Variants in AHI1 observed in about 807,000 individuals in gnomAD.
AHI1 encodes Abelson helper integration site 1.
Under a neutral mutation model 149.3 loss-of-function variants are expected in AHI1, and 123 were observed. The ratio of observed to expected loss-of-function variants is 0.82; its 90% CI spans 0.71 to 0.96. AHI1 has a LOEUF of 0.96. Ranked by LOEUF, AHI1 falls within the 40% of genes least tolerant of loss-of-function variation. AHI1 has a pLI of 0.00. For synonymous variants in AHI1, 475 were observed against 459.8 expected (o/e 1.03, Z -0.42); for missense variants, 1,439 against 1,422.7 (o/e 1.01, Z -0.18).
intron 26 of AHI1, among the ~76,000 whole-genome samples, chr6:135,312,329 C>T (rs1040585224): frequency 6.6e-6 from 1 of 151,946 alleles, no homozygotes; most frequent in Admixed American, 6.6e-5. Context: ...CCTGGCCAAA[C>T]TAGTGAAACC....
At chr6:135,390,461 G>C (rs1438266112) in intron 23 of AHI1, among the ~76,000 whole-genome samples, 1 of 151,704 alleles carries the variant, frequency 6.6e-6, no homozygotes, top group East Asian at 1.9e-4. Flanking sequence ...GTAAAAAAAA[G>C]AAGGTAATAC....
intron 22 of AHI1, 140 bp from the exon 23 acceptor site, chr6:135,395,036 GT>G (rs1779031314): frequency 1.3e-6 from 1 of 783,962 alleles, no homozygotes. Flanking sequence ...TACATGGTTA[GT>G]TTGTAAACTT....
At chr6:135,485,597 T>C (rs73777556) in intron 5 of AHI1, among the ~76,000 whole-genome samples, 4 of 152,328 alleles carry the variant, frequency 2.6e-5, no homozygotes, top group African/African-American at 9.6e-5. Context: ...TTGGAAAATT[T>C]ACTTTTAAGA....
At chr6:135,482,851 G>A (rs1793888181) in intron 5 of AHI1, among the ~76,000 whole-genome samples, 1 of 140,114 alleles carries the variant, frequency 7.1e-6, no homozygotes, top group African/African-American at 2.7e-5. Flanking sequence ...GCTTTGCTCT[G>A]GGATACAGTT....
At chr6:135,363,161 AG>A (rs1168822442) in intron 23 of AHI1, among the ~76,000 whole-genome samples, 4 of 151,564 alleles carry the variant, frequency 2.6e-5, no homozygotes, top group Admixed American at 6.6e-5. Flanking sequence ...AAGTGAACAA[AG>A]GTCTCTGGTT....
At chr6:135,328,140 C>T (rs1787987133) in intron 24 of AHI1, among the ~76,000 whole-genome samples, 1 of 152,164 alleles carries the variant, frequency 6.6e-6, no homozygotes, top group South Asian at 2.1e-4. Flanking sequence ...TGGGATCCGA[C>T]ACTGTCTTCA....
At chr6:135,385,715 C>T (rs1486923241) in intron 23 of AHI1, among the ~76,000 whole-genome samples, 1 of 152,118 alleles carries the variant, frequency 6.6e-6, no homozygotes, top group African/African-American at 2.4e-5. Flanking sequence ...GGAGAAGTAA[C>T]AGAAGATTCA....
chr6:135,360,759 A>G (rs977431227), intron 23 of AHI1, among the ~76,000 whole-genome samples: 4 of 152,264 alleles, frequency 2.6e-5, no homozygotes, highest in Non-Finnish European at 5.9e-5. Flanking sequence ...GAAATATTTT[A>G]AAATCTGCAT....
At chr6:135,297,658 A>AT (rs1429489204) in intron 27 of AHI1, among the ~76,000 whole-genome samples, 4 of 152,196 alleles carry the variant, frequency 2.6e-5, no homozygotes, top group Non-Finnish European at 4.4e-5. Flanking sequence ...ACACATGACA[A>AT]TAAATGCCTT....
intron 24 of AHI1, among the ~76,000 whole-genome samples, chr6:135,338,927 CT>C (rs143028763): frequency 0.01 from 1,476 of 140,820 alleles, 15 homozygotes; most frequent in African/African-American, 0.024. Context: ...CTCATCTTTC[CT>C]TTTTTTTTTT....
In AHI1 at chr6:135,479,645, G is replaced by A. The variant is rs528656725; in HGVS notation, c.135+10978C>T. Among the ~76,000 whole-genome samples, 6 of 152,236 alleles carry A rather than the reference G, an allele frequency of 3.9e-5. No homozygotes were observed. The East Asian group carries it at 9.6e-4, about 24-fold the overall frequency. ...TTGCCTTGTGACAGATGAGATTTTG[G>A]ACTGTGGAATTTCGGGTTCATGTTG... On this transcript the variant is annotated intron_variant, in intron 5 of 28. Coordinates refer to ENST00000265602, the MANE Select transcript of AHI1 (RefSeq NM_001134831.2).
intron 16 of AHI1, 43 bp from the exon 17 acceptor site, chr6:135,431,357 G>C: frequency 8.0e-7 from 1 of 1,246,010 alleles, no homozygotes; most frequent in Non-Finnish European, 1.1e-6. Flanking sequence ...ATGTCACACA[G>C]AGTTAGAAAC....
At chr6:135,298,149 A>G (rs941001039) in intron 27 of AHI1, among the ~76,000 whole-genome samples, 1 of 152,204 alleles carries the variant, frequency 6.6e-6, no homozygotes, top group Non-Finnish European at 1.5e-5. Context: ...CTTAGGCAGC[A>G]GATAATATAT....
intron 23 of AHI1, among the ~76,000 whole-genome samples, chr6:135,365,448 T>C (rs1362575144): frequency 6.6e-6 from 1 of 152,236 alleles, no homozygotes; most frequent in Non-Finnish European, 1.5e-5. Flanking sequence ...GCATGGGATG[T>C]GTTTCCATCT....
At chr6:135,419,149 T>C (rs1404160631) in intron 20 of AHI1, among the ~76,000 whole-genome samples, 2 of 152,070 alleles carry the variant, frequency 1.3e-5, no homozygotes, top group African/African-American at 4.8e-5. Flanking sequence ...CTAATAAAAC[T>C]GTTCAAAATC....
chr6:135,497,135 G>A (rs1259246225), intron 2 of AHI1, 53 bp downstream of exon 2: 2 of 152,098 alleles, frequency 1.3e-5, no homozygotes, highest in African/African-American at 2.4e-5. Flanking sequence ...TATGCATCTC[G>A]AAACAACCCT....
At chr6:135,410,109 C>T (rs1233068588) in intron 21 of AHI1, among the ~76,000 whole-genome samples, 1 of 152,138 alleles carries the variant, frequency 6.6e-6, no homozygotes, top group African/African-American at 2.4e-5. Flanking sequence ...CCTGAAATCC[C>T]AATACTCTGG....
intron 23 of AHI1, among the ~76,000 whole-genome samples, chr6:135,382,913 AAAAAAAAAAAAAAATATATATAT>A (rs1326176862): frequency 9.6e-6 from 1 of 104,426 alleles, no homozygotes; most frequent in African/African-American, 3.6e-5. Context: ...AAAAAAAAAA[AAAAAAAAAAAAAAATATATATAT>A]ATATATATAT....
intron 24 of AHI1, among the ~76,000 whole-genome samples, chr6:135,350,010 C>T (rs1791835546): frequency 6.6e-6 from 1 of 152,160 alleles, no homozygotes; most frequent in South Asian, 2.1e-4. Flanking sequence ...TGTATAATTA[C>T]CCAAACTGTA....
Sources: gnomAD v4.1 joint callset for allele counts (sites outside exome capture counted in the v4.1 genomes callset) on GRCh38, gnomAD v4.1.1 for gene constraint, MANE v1.5 for transcripts, NCBI Gene and HGNC (gene_info 2026-07-23, HGNC 2026-07-21) for gene names.